Variants in NSD1 observed in about 807,000 individuals in gnomAD.
The protein encoded by NSD1 is histone-lysine N-methyltransferase, H3 lysine-36 specific.
A neutral mutation model predicts 242.7 loss-of-function variants in NSD1; 26 were observed. The ratio of observed to expected loss-of-function variants is 0.11; its 90% CI spans 0.08 to 0.15. NSD1 has a LOEUF of 0.15. Ranked by LOEUF, NSD1 falls within the 10% of genes least tolerant of loss-of-function variation. The pLI, the probability that NSD1 is intolerant of heterozygous loss-of-function variation, is 1.00. For missense variants in NSD1, 2,495 were observed against 3,272.8 expected (o/e 0.76, Z 5.80); for synonymous variants, 1,106 against 1,178.1 (o/e 0.94, Z 1.25).
At chr5:177,257,177 C>G (rs1756535912) in intron 13 of NSD1, 26 bp downstream of exon 13, 1 of 1,534,568 alleles carries the variant, frequency 6.5e-7, no homozygotes, top group Non-Finnish European at 9.0e-7. Flanking sequence ...GTGGACCAGT[C>G]TAATTGTAAA....
At chr5:177,161,690 T>G (rs886660687) in intron 2 of NSD1, among the ~76,000 whole-genome samples, 9 of 150,670 alleles carry the variant, frequency 6.0e-5, no homozygotes, top group African/African-American at 9.8e-5. Context: ...CTTTTTTTTT[T>G]TTTTTGTTTT....
chr5:177,293,389 G>A (rs1394229080), intron 22 of NSD1, among the ~76,000 whole-genome samples: 1 of 151,974 alleles, frequency 6.6e-6, no homozygotes, highest in East Asian at 1.9e-4. Context: ...ACTGTTAATA[G>A]CAAATAAGCA....
rs1445372894 is a variant in NSD1, at chr5:177,173,286, T to C, written c.928-18598T>C. Among the ~76,000 whole-genome samples, 20 of 83,952 alleles carry C rather than the reference T, an allele frequency of 2.4e-4. No individual in the cohort carries two copies. In the Admixed American group the frequency reaches 2.5e-3, roughly 11 times the overall value. 55.1% of individuals were successfully genotyped at this position (83,952 alleles called of 152,430 possible). A position where few individuals can be genotyped will look rare whatever the true frequency, so the allele number is the denominator to read the frequency against. On this transcript the variant is annotated intron_variant, in intron 2 of 22. Transcript: ENST00000439151. The stretch of plus-strand genomic sequence containing the variant: ...CAGCCTTGGCGAAAGAGCTAGACTC[T>C]GTCTCAAAAAAAAAAAAAAAAAAAA...
At position 177,297,856 on chromosome 5, in the gene NSD1, C is replaced by T. The variant is rs974002486; in HGVS notation, c.*2397C>T. The T allele has an allele frequency of 1.7e-5, 4 of 232,944 alleles. No homozygotes were observed. Among genetic ancestry groups the T allele is most frequent in the African/African-American group, 6.6e-5 (3 of 45,256 alleles). The allele number at this position is 232,944 out of a possible 1,614,324, so 14.4% of individuals were successfully genotyped here. A position where few individuals can be genotyped will look rare whatever the true frequency, so the allele number is the denominator to read the frequency against. Reference sequence around the variant, plus strand: ...TGGTTTTATTTTGGTTCTTTCCATTCTCCGCCATTCATTGGAGGCTTCGTT... The same window carrying T: ...TGGTTTTATTTTGGTTCTTTCCATTTTCCGCCATTCATTGGAGGCTTCGTT... On this transcript the variant is annotated 3_prime_UTR_variant, in exon 23 of 23. Coordinates refer to ENST00000439151, the MANE Select transcript of NSD1 (RefSeq NM_022455.5).
At position 177,218,712 on chromosome 5, in the gene NSD1, C is replaced by A. The variant is rs145971003; in HGVS notation, c.3796+6517C>A. Among the ~76,000 whole-genome samples the A allele has an allele frequency of 4.0e-3, 603 of 151,800 alleles. 7 individuals carry two copies. The highest frequency in any genetic ancestry group is 0.014 in the African/African-American group (573 of 41,436). On this transcript the variant is annotated intron_variant, in intron 5 of 22. Coordinates refer to ENST00000439151, the MANE Select transcript of NSD1 (RefSeq NM_022455.5). ...CTTCCTGAGTAGCTGGGACTACAGG[C>A]GCCCCCCACCACGCCCGGCTAAATT...
intron 11 of NSD1, 143 bp from the exon 12 acceptor site, chr5:177,251,587 A>G (rs562748304): frequency 4.0e-6 from 3 of 755,648 alleles, no homozygotes; most frequent in Non-Finnish European, 6.6e-6. Context: ...ACTAGACTAA[A>G]ATCTACAACT....
chr5:177,247,674 G>A (rs567920662), intron 10 of NSD1, among the ~76,000 whole-genome samples: 3 of 151,994 alleles, frequency 2.0e-5, no homozygotes, highest in Admixed American at 6.5e-5. Flanking sequence ...TATGAATATC[G>A]GCCTTCAGGA....
intron 14 of NSD1, among the ~76,000 whole-genome samples, chr5:177,267,128 G>A (rs748432909): frequency 6.6e-6 from 1 of 152,184 alleles, no homozygotes; most frequent in East Asian, 1.9e-4. Context: ...AAAGTGCTGG[G>A]ATTACAGGCC....
chr5:177,253,925 C>T (rs1756209930), intron 12 of NSD1, among the ~76,000 whole-genome samples: 1 of 152,200 alleles, frequency 6.6e-6, no homozygotes, highest in African/African-American at 2.4e-5. Context: ...GTGTAACACA[C>T]AATTCCTGGC....
intron 14 of NSD1, among the ~76,000 whole-genome samples, chr5:177,260,788 G>GAAAAA (rs547794452): frequency 6.7e-6 from 1 of 148,632 alleles, no homozygotes; most frequent in East Asian, 2.0e-4. Context: ...CTCACCATCA[G>GAAAAA]AAAAAAAAAA....
chr5:177,149,161 G>A (rs116300423), intron 2 of NSD1, among the ~76,000 whole-genome samples: 3,405 of 151,900 alleles, frequency 0.022, 54 homozygotes, highest in South Asian at 0.053. Flanking sequence ...ATTTGGTGTG[G>A]TCACTATTTT....
Position 177,209,493 on chromosome 5 carries a change from C to A in NSD1, c.1237-143C>A, listed in dbSNP as rs1314904217. 2 of 640,146 alleles carry A rather than the reference C, an allele frequency of 3.1e-6. 1 individual carries two copies. Among genetic ancestry groups the A allele is most frequent in the Non-Finnish European group, 5.3e-6 (2 of 377,724 alleles). 39.7% of individuals were successfully genotyped at this position (640,146 alleles called of 1,614,324 possible). ...GTGGTGAGCGAAGATTGTGCCACTG[C>A]ACTCCAGCCTGGGCGACAGAGCAAG... On this transcript the variant is annotated intron_variant, in intron 4 of 22. Transcript: ENST00000439151.
At chr5:177,147,113 CTT>C (rs1223309123) in intron 2 of NSD1, among the ~76,000 whole-genome samples, 2 of 151,986 alleles carry the variant, frequency 1.3e-5, no homozygotes, top group Non-Finnish European at 2.9e-5. Flanking sequence ...CCTTCCATCT[CTT>C]TTTCGTATGT....
intron 5 of NSD1, among the ~76,000 whole-genome samples, chr5:177,220,091 GTTTC>G (rs1262918596): frequency 2.6e-5 from 4 of 152,122 alleles, no homozygotes; most frequent in East Asian, 1.9e-4. Flanking sequence ...CAAGTCCTCT[GTTTC>G]TTTATTGATC....
chr5:177,221,480 A>AT (rs1285723202), intron 5 of NSD1, among the ~76,000 whole-genome samples: 6 of 149,856 alleles, frequency 4.0e-5, no homozygotes, highest in Non-Finnish European at 7.4e-5. Context: ...TTTCCCCCCA[A>AT]TTTTTTTTCA....
chr5:177,161,676 C>CT lies in NSD1; in HGVS notation c.927+25649dup, dbSNP rs1444663324. 2.7e-5 allele frequency among the ~76,000 whole-genome samples: 3 copies of CT among 111,230 alleles called. No homozygotes were observed. In the East Asian group the frequency reaches 1.8e-3, roughly 68 times the overall value. 73.0% of individuals were successfully genotyped at this position (111,230 alleles called of 152,430 possible). On this transcript the variant is annotated intron_variant, in intron 2 of 22. Coordinates refer to ENST00000439151, the MANE Select transcript of NSD1 (RefSeq NM_022455.5). ...TTATAAACCTGTTTTCTGTTTCTTT[C>CT]TTTCTTTTTTTTTTTTTTTGTTTTT... is the stretch of plus-strand genomic sequence containing the variant.
chr5:177,135,670 C>T lies in NSD1; in HGVS notation c.567C>T (p.Thr189=), dbSNP rs769162062. 1 of 1,614,136 alleles carries T rather than the reference C, an allele frequency of 6.2e-7. No homozygotes were observed. Among genetic ancestry groups the T allele is most frequent in the Non-Finnish European group, 8.5e-7 (1 of 1,180,030 alleles). ...SIEEIFEETQ[T]NATCNYETKS... is the part of the protein sequence containing the mutation. ...AGGAGATCTTTGAGGAAACTCAGAC[C>T]AATGCCACCTGCAATTATGAGACTA... The change falls in exon 2 of 23, where the codon ACC becomes ACT. Residue 189 remains threonine, a synonymous_variant. Coordinates refer to ENST00000439151, the MANE Select transcript of NSD1 (RefSeq NM_022455.5).
At chr5:177,287,462 A>C (rs1194431863) in intron 20 of NSD1, among the ~76,000 whole-genome samples, 1 of 152,012 alleles carries the variant, frequency 6.6e-6, no homozygotes, top group Non-Finnish European at 1.5e-5. Context: ...ATGGTGAAAC[A>C]CCGTCTCTAC....
At position 177,238,309 on chromosome 5, in the gene NSD1, G is replaced by A. The variant is rs758774947; in HGVS notation, c.3994G>A (p.Glu1332Lys). 8 of 1,613,968 alleles carry A rather than the reference G, an allele frequency of 5.0e-6. No individual in the cohort carries two copies. Among genetic ancestry groups the A allele is most frequent in the African/African-American group, 1.3e-5 (1 of 74,904 alleles). The part of the protein sequence containing the change: ...RSSAQNKQVD[E>K]NSLISTKEEP... Reference sequence around the variant, plus strand: ...TAGTGCTCAGAACAAGCAGGTGGACGAGAATTCTTTGATTTCAACCAAAGA... The same window carrying A: ...TAGTGCTCAGAACAAGCAGGTGGACAAGAATTCTTTGATTTCAACCAAAGA... The change falls in exon 7 of 23, where the codon GAG (glutamate) becomes AAG (lysine). Residue 1332 changes from glutamate to lysine, a missense_variant. This residue lies in a region of NSD1 where 100 missense variants were observed against 190.7 expected (regional missense o/e 0.52). Transcript: ENST00000439151. The surrounding 1 kb of genome is among the most constrained non-coding windows in gnomAD (Gnocchi z 4.6).
Sources: gnomAD v4.1 joint callset for allele counts (sites outside exome capture counted in the v4.1 genomes callset) on GRCh38, gnomAD v4.1.1 for gene constraint, gnomAD v4.1.1 regional missense constraint, Gnocchi (gnomAD v3.1) non-coding constraint, MANE v1.5 for transcripts, NCBI Gene and HGNC (gene_info 2026-07-23, HGNC 2026-07-21) for gene names.